Variants in GALC observed in about 807,000 individuals in gnomAD.
The protein encoded by GALC is galactocerebrosidase.
In GALC, 77 loss-of-function variants were observed where a neutral mutation model predicts 91.8. The observed-to-expected ratio is 0.84, with a 90% CI of 0.70 to 1.01. The LOEUF is 1.01. Ranked by LOEUF, GALC falls within the 50% of genes least tolerant of loss-of-function variation. The pLI is 0.00. For synonymous variants in GALC, 357 were observed against 306.7 expected (o/e 1.16, Z -1.71); for missense variants, 882 against 855.9 (o/e 1.03, Z -0.38).
chr14:87,992,709 T>C, intron 1 of GALC: 4 of 1,431,652 alleles, frequency 2.8e-6, no homozygotes, highest in Non-Finnish European at 3.6e-6. Flanking sequence ...GTCACTTTAC[T>C]CTCTGCACCT....
intron 10 of GALC, among the ~76,000 whole-genome samples, chr14:87,960,698 A>G (rs1361212567): frequency 1.3e-5 from 2 of 152,196 alleles, no homozygotes; most frequent in Non-Finnish European, 2.9e-5. Flanking sequence ...TTGATTTTCA[A>G]CAAGGATGCC....
chr14:87,978,330 G>A (rs986505444), intron 6 of GALC, among the ~76,000 whole-genome samples: 1 of 152,192 alleles, frequency 6.6e-6, no homozygotes, highest in Non-Finnish European at 1.5e-5. Context: ...GATTACAGGC[G>A]TGAGCCACTC....
rs754072032 is a variant in GALC at position 87,934,418 on chromosome 14, T to A, written c.*314A>T. 2.3e-6 allele frequency: 3 copies of A among 1,289,818 alleles called. No individual in the cohort carries two copies. The highest frequency in any genetic ancestry group is 3.0e-6 in the Non-Finnish European group (3 of 1,011,826). 79.9% of individuals were successfully genotyped at this position (1,289,818 alleles called of 1,614,324 possible). A position where few individuals can be genotyped will look rare whatever the true frequency, so the allele number is the denominator to read the frequency against. On this transcript the variant is annotated 3_prime_UTR_variant, in exon 17 of 17. Transcript: ENST00000261304. ...CGCTTGCAAATAAGATGAAGAGAGCTACCTCAGTGTTAGCAGCAAGGCTTC... is the reference window on the plus strand; with the variant it reads ...CGCTTGCAAATAAGATGAAGAGAGCAACCTCAGTGTTAGCAGCAAGGCTTC...
chr14:87,955,743 G>C (rs1294438911), intron 10 of GALC, among the ~76,000 whole-genome samples: 1 of 152,038 alleles, frequency 6.6e-6, no homozygotes, highest in Non-Finnish European at 1.5e-5. Flanking sequence ...TATTAAAGCG[G>C]GGAAGAGCGT....
At chr14:87,965,458 T>A in intron 9 of GALC, 47 bp downstream of exon 9, 2 of 1,599,550 alleles carry the variant, frequency 1.3e-6, no homozygotes, top group Non-Finnish European at 1.7e-6. Flanking sequence ...TTCTGCTTTG[T>A]CTCTTAGAGA....
In GALC at chr14:87,993,094, G is replaced by C. The variant is rs1379802641; in HGVS notation, c.71C>G (p.Ala24Gly). 2.5e-6 allele frequency: 4 copies of C among 1,585,786 alleles called. No homozygotes were observed. Among genetic ancestry groups the C allele is most frequent in the Middle Eastern group, 1.7e-4 (1 of 5,808 alleles). ...AKAMTAAAGSAGRAAVPLLLC... is the reference protein window; with the variant it reads ...AKAMTAAAGSGGRAAVPLLLC... ...CAGCAAGGGCACCGCGGCGCGGCCC[G>C]CCGAACCCGCGGCCGCAGTCATAGC... The change falls in exon 1 of 17, where the codon GCG becomes GGG. Residue 24 changes from alanine (A) to glycine (G), a missense_variant. Transcript: ENST00000261304.
intron 10 of GALC, among the ~76,000 whole-genome samples, chr14:87,961,566 C>T (rs887543762): frequency 6.6e-5 from 10 of 152,172 alleles, no homozygotes; most frequent in African/African-American, 1.7e-4. Context: ...ACACACTCCC[C>T]GCAAATATTT....
intron 1 of GALC, chr14:87,992,373 T>C: frequency 2.0e-6 from 3 of 1,535,692 alleles, no homozygotes; most frequent in Non-Finnish European, 2.6e-6. Context: ...CGCTCGCTTA[T>C]CTTCCTTTTA....
intron 15 of GALC, 148 bp downstream of exon 15, chr14:87,941,246 TA>T: frequency 1.6e-6 from 1 of 636,916 alleles, no homozygotes; most frequent in Non-Finnish European, 2.8e-6. Flanking sequence ...AATTGTAAAC[TA>T]TTTGGTATTT....
chr14:87,985,137 C>T (rs1886916086), intron 4 of GALC, among the ~76,000 whole-genome samples: 1 of 151,964 alleles, frequency 6.6e-6, no homozygotes, highest in Admixed American at 6.6e-5. Flanking sequence ...CATATTCTTC[C>T]AATAATCCTG....
chr14:87,981,720 A>G (rs1444781635), intron 6 of GALC, among the ~76,000 whole-genome samples: 1 of 152,188 alleles, frequency 6.6e-6, no homozygotes, highest in Admixed American at 6.5e-5. Context: ...AAATAGGAAA[A>G]GTGGAACAAA....
chr14:87,986,572 G>A lies in GALC; in HGVS notation c.359C>T (p.Ala120Val). The A allele has an allele frequency of 6.2e-7, 1 of 1,613,504 alleles. No homozygotes were observed. Among genetic ancestry groups the A allele is most frequent in the Non-Finnish European group, 8.5e-7 (1 of 1,179,530 alleles). Residue 120 changes from alanine (A) to valine (V), a missense_variant, in exon 4 of 17, where the codon GCA becomes GTA. Physicochemically the swap from Ala to Val is moderately conservative, Grantham distance 64. Coordinates refer to ENST00000261304, the MANE Select transcript of GALC (RefSeq NM_000153.4). ...DGTEPSHMHY[A>V]LDENYFRGYE... Reference sequence around the variant, plus strand: ...TCCTCGGAAATAATTCTCATCTAGTGCATAATGCATGTGGGAGGGCTCAGT... The same window carrying A: ...TCCTCGGAAATAATTCTCATCTAGTACATAATGCATGTGGGAGGGCTCAGT...
intron 7 of GALC, among the ~76,000 whole-genome samples, chr14:87,969,137 C>T (rs1488137945): frequency 6.6e-6 from 1 of 152,126 alleles, no homozygotes; most frequent in Non-Finnish European, 1.5e-5. Context: ...CGGTTCTCAA[C>T]CCAGATGATT....
chr14:87,940,076 G>A, intron 15 of GALC, 95 bp from the exon 16 acceptor site: 1 of 965,682 alleles, frequency 1.0e-6, no homozygotes, highest in South Asian at 1.3e-5. Flanking sequence ...GCATCTGTAT[G>A]TAGTAAAGTC....
At chr14:87,934,969 GA>G in intron 16 of GALC, 91 bp from the exon 17 acceptor site, 1 of 901,152 alleles carries the variant, frequency 1.1e-6, no homozygotes, top group Non-Finnish European at 1.8e-6. Flanking sequence ...CTACTTAGTG[GA>G]GCAAATGTAC....
intron 13 of GALC, among the ~76,000 whole-genome samples, chr14:87,947,362 C>T (rs999190294): frequency 3.5e-4 from 53 of 151,932 alleles, no homozygotes; most frequent in African/African-American, 1.2e-3. Context: ...TTCACTAGCA[C>T]TGCAGAAAGA....
At chr14:87,977,513 C>A (rs982619920) in intron 6 of GALC, among the ~76,000 whole-genome samples, 4 of 152,088 alleles carry the variant, frequency 2.6e-5, no homozygotes, top group Admixed American at 1.3e-4. Context: ...ATATGCAAAT[C>A]AAGAGCAGAG....
At chr14:87,971,332 A>T (rs2140007113) in intron 7 of GALC, among the ~76,000 whole-genome samples, 1 of 152,322 alleles carries the variant, frequency 6.6e-6, no homozygotes, top group Admixed American at 6.5e-5. Flanking sequence ...ATAGAAGACC[A>T]ACTCAGGAAG....
At chr14:87,940,212 G>C (rs1884776641) in intron 15 of GALC, among the ~76,000 whole-genome samples, 2 of 151,810 alleles carry the variant, frequency 1.3e-5, no homozygotes, top group Non-Finnish European at 2.9e-5. Context: ...TATACTATAT[G>C]TGAGCTCACA....
Sources: gnomAD v4.1 joint callset for allele counts (sites outside exome capture counted in the v4.1 genomes callset) on GRCh38, gnomAD v4.1.1 for gene constraint, MANE v1.5 for transcripts, NCBI Gene and HGNC (gene_info 2026-07-23, HGNC 2026-07-21) for gene names.